EPB41: variants seen among roughly 807,000 people sequenced by gnomAD.
EPB41 encodes erythrocyte membrane protein band 4.1, also known as protein 4.1.
In EPB41, 65 loss-of-function variants were observed where a neutral mutation model predicts 108.0. The ratio of observed to expected loss-of-function variants is 0.60; its 90% CI spans 0.49 to 0.74. EPB41 has a LOEUF of 0.74. Ranked by LOEUF, EPB41 falls within the 30% of genes least tolerant of loss-of-function variation. The pLI, the probability that EPB41 is intolerant of heterozygous loss-of-function variation, is 0.00. For synonymous variants in EPB41, 336 were observed against 358.9 expected (o/e 0.94, Z 0.72); for missense variants, 875 against 1,037.0 (o/e 0.84, Z 2.15).
chr1:29,109,839 G>GC, intron 18 of EPB41: 1 of 293,996 alleles, frequency 3.4e-6, no homozygotes, highest in Non-Finnish European at 6.7e-6. Context: ...TACGAGACTA[G>GC]CCTGACCAAC....
At chr1:28,889,696 G>T in intron 1 of EPB41, 1 of 516,422 alleles carries the variant, frequency 1.9e-6, no homozygotes. Flanking sequence ...GCTGCAGGGT[G>T]AGACAGAGGC....
intron 2 of EPB41, among the ~76,000 whole-genome samples, chr1:28,990,933 GTTAT>G (rs1557938418): frequency 2.6e-5 from 4 of 151,966 alleles, no homozygotes. Context: ...TTGTCCGTAG[GTTAT>G]TTGTCTTCAT....
At chr1:29,045,665 A>G (rs923632274) in intron 11 of EPB41, among the ~76,000 whole-genome samples, 3 of 150,864 alleles carry the variant, frequency 2.0e-5, no homozygotes, top group African/African-American at 4.9e-5. Flanking sequence ...ATCGTTTGCT[A>G]TCTTAAATGG....
intron 1 of EPB41, among the ~76,000 whole-genome samples, chr1:28,969,935 G>A (rs1222576027): frequency 7.9e-5 from 12 of 151,940 alleles, no homozygotes; most frequent in African/African-American, 2.7e-4. Context: ...ACAAAACTGT[G>A]TGAAATTATT....
chr1:28,898,179 C>T lies in EPB41; in HGVS notation c.-8+10969C>T, dbSNP rs113319080. ...AGGCTGGTCAGGGAAGTAGGGCCCACGTCAGGCAGACCTTTGGGGATGTCA... is the reference window on the plus strand; with the variant it reads ...AGGCTGGTCAGGGAAGTAGGGCCCATGTCAGGCAGACCTTTGGGGATGTCA... On this transcript the variant is annotated intron_variant, in intron 1 of 16. Coordinates refer to the EPB41 transcript ENST00000347529. 5.3e-5 allele frequency among the ~76,000 whole-genome samples: 8 copies of T among 152,192 alleles called. No individual in the cohort carries two copies. In the South Asian group the frequency reaches 6.2e-4, roughly 12 times the overall value.
chr1:29,092,222 C>T (rs1258680893), intron 16 of EPB41, among the ~76,000 whole-genome samples: 2 of 151,842 alleles, frequency 1.3e-5, no homozygotes, highest in African/African-American at 2.4e-5. Context: ...CTCAGCCTCC[C>T]GAGTAGCTGG....
In EPB41 at chr1:29,113,555, A is replaced by ACGTGCTCAGTC. The variant is rs1669908574; in HGVS notation, c.2496+1108_2496+1118dup. ...GTCTGGTGTGATCTGAGCCCCTGCT[A>ACGTGCTCAGTC]CGTGCTCAGTCTGCACTAGACAGCA... is the stretch of plus-strand genomic sequence containing the variant. On this transcript the variant is annotated intron_variant, in intron 19 of 20. Transcript: ENST00000343067. Among the ~76,000 whole-genome samples the ACGTGCTCAGTC allele has an allele frequency of 3.3e-5, 5 of 152,348 alleles. No homozygotes were observed. In the South Asian group the frequency reaches 1.0e-3, roughly 32 times the overall value.
Position 29,014,313 on chromosome 1 carries a change from G to A in EPB41, c.830-1379G>A, listed in dbSNP as rs186540110. Among the ~76,000 whole-genome samples the A allele has an allele frequency of 5.9e-5, 9 of 151,744 alleles. No homozygotes were observed. The East Asian group carries it at 1.5e-3, about 26-fold the overall frequency. On this transcript the variant is annotated intron_variant, in intron 5 of 20. Coordinates refer to ENST00000343067, the MANE Select transcript of EPB41 (RefSeq NM_001376013.1). The stretch of plus-strand genomic sequence containing the variant: ...ACCTGGGGGACAAGAGCAAGACTTC[G>A]TCTGAAAAAAATAAAATAAAATAAA...
rs571348431 is a variant in EPB41, at chr1:28,995,286, G to A, written c.681+1744G>A. Reference sequence around the variant, plus strand: ...ATAGAATTCAGAATATTTTGAGGCCGGGCACGGTGGCTCATGCCTGTAATC... The same window carrying A: ...ATAGAATTCAGAATATTTTGAGGCCAGGCACGGTGGCTCATGCCTGTAATC... On this transcript the variant is annotated intron_variant, in intron 3 of 20. Transcript: ENST00000343067. Among the ~76,000 whole-genome samples the A allele has an allele frequency of 3.6e-3, 553 of 152,146 alleles. 1 individual carries two copies. Among genetic ancestry groups the A allele is most frequent in the Non-Finnish European group, 6.9e-3 (470 of 68,012 alleles).
chr1:28,959,534 A>G (rs531742260), intron 1 of EPB41, among the ~76,000 whole-genome samples: 2 of 152,274 alleles, frequency 1.3e-5, no homozygotes, highest in Non-Finnish European at 2.9e-5. Flanking sequence ...TGATCTTTCA[A>G]TAAATATTTG....
intron 4 of EPB41, among the ~76,000 whole-genome samples, chr1:28,999,313 T>C (rs1486501078): frequency 6.6e-6 from 1 of 152,134 alleles, no homozygotes; most frequent in Non-Finnish European, 1.5e-5. Context: ...GCGCTTGCAG[T>C]GAGCCGAGAT....
At position 28,986,750 on chromosome 1, in the gene EPB41, C is replaced by G. The variant is rs550967534; in HGVS notation, c.-7-681C>G. Among the ~76,000 whole-genome samples the G allele has an allele frequency of 4.6e-5, 7 of 151,354 alleles. No individual in the cohort carries two copies. In the East Asian group the frequency reaches 1.2e-3, roughly 25 times the overall value. On this transcript the variant is annotated intron_variant, in intron 1 of 20. Coordinates refer to ENST00000343067, the MANE Select transcript of EPB41 (RefSeq NM_001376013.1). ...TTCGAGACCTGCCTGGGCAATATAG[C>G]AAGACCCCATTCTCCACAAAAAGGA...
chr1:29,008,194 A>G (rs1426437984), intron 4 of EPB41, among the ~76,000 whole-genome samples: 1 of 152,012 alleles, frequency 6.6e-6, no homozygotes, highest in East Asian at 1.9e-4. Context: ...ATTCTTTACC[A>G]CTATACCTTA....
chr1:29,094,927 C>T (rs1361395429), intron 16 of EPB41, among the ~76,000 whole-genome samples: 1 of 152,152 alleles, frequency 6.6e-6, no homozygotes, highest in Non-Finnish European at 1.5e-5. Flanking sequence ...ATAACCTATG[C>T]ATATTCTCCT....
At chr1:29,063,952 A>T (rs1305728386) in intron 15 of EPB41, among the ~76,000 whole-genome samples, 1 of 152,170 alleles carries the variant, frequency 6.6e-6, no homozygotes, top group Non-Finnish European at 1.5e-5. Context: ...TATTATTTCT[A>T]ACTCATGCTT....
At chr1:28,966,706 G>A (rs1218462726) in intron 1 of EPB41, among the ~76,000 whole-genome samples, 3 of 152,184 alleles carry the variant, frequency 2.0e-5, no homozygotes, top group Non-Finnish European at 4.4e-5. Context: ...CCCAAAGGAA[G>A]CAGGCCTCGT....
chr1:29,039,193 TAC>T (rs1640585339), intron 10 of EPB41, 59 bp from the exon 11 acceptor site: 2 of 1,516,326 alleles, frequency 1.3e-6, no homozygotes, highest in East Asian at 2.4e-5. Flanking sequence ...TTTTTAATTT[TAC>T]AGTTTTAGAA....
chr1:28,975,876 G>A (rs2095593308), intron 1 of EPB41, among the ~76,000 whole-genome samples: 1 of 144,502 alleles, frequency 6.9e-6, no homozygotes, highest in African/African-American at 2.6e-5. Flanking sequence ...GGGAGGCGGA[G>A]CTTGCAGTGA....
chr1:28,941,538 G>A (rs887751604), intron 1 of EPB41, among the ~76,000 whole-genome samples: 1 of 152,212 alleles, frequency 6.6e-6, no homozygotes, highest in African/African-American at 2.4e-5. Flanking sequence ...TACCTAAGCT[G>A]TAGTACTGAT....
Sources: allele counts gnomAD v4.1 joint callset (sites outside exome capture counted in the v4.1 genomes callset), GRCh38; gene constraint gnomAD v4.1.1; transcripts MANE v1.5; gene names NCBI Gene and HGNC (gene_info 2026-07-23, HGNC 2026-07-21).